Variants in RAD51B observed in about 807,000 individuals in gnomAD.
The protein encoded by RAD51B is DNA repair protein RAD51 homolog 2.
In RAD51B, 38 loss-of-function variants were observed where a neutral mutation model predicts 42.2. The ratio of observed to expected loss-of-function variants is 0.90; its 90% CI spans 0.70 to 1.18. The LOEUF is 1.18. RAD51B is among the 50% of genes most tolerant of loss of function. The pLI is 0.00. For synonymous variants in RAD51B, 154 were observed against 145.2 expected (o/e 1.06, Z -0.43); for missense variants, 373 against 400.7 (o/e 0.93, Z 0.59).
At chr14:68,551,865 T>C (rs1330762058) in intron 10 of RAD51B, among the ~76,000 whole-genome samples, 2 of 152,186 alleles carry the variant, frequency 1.3e-5, no homozygotes, top group African/African-American at 4.8e-5. Context: ...GCGTAGGTAA[T>C]AAATGACAGA....
chr14:68,388,095 T>TATATA (rs869245953), intron 8 of RAD51B, among the ~76,000 whole-genome samples: 69 of 107,398 alleles, frequency 6.4e-4, no homozygotes, highest in East Asian at 1.4e-3. Flanking sequence ...TATATATATA[T>TATATA]TTTTTTTTTT....
At chr14:68,428,230 T>C (rs901351960) in intron 9 of RAD51B, among the ~76,000 whole-genome samples, 1 of 152,230 alleles carries the variant, frequency 6.6e-6, no homozygotes, top group Non-Finnish European at 1.5e-5. Context: ...TATTACAACT[T>C]AAAATATTTA....
intron 4 of RAD51B, among the ~76,000 whole-genome samples, chr14:67,844,745 A>G (rs1315663279): frequency 1.3e-5 from 2 of 151,876 alleles, no homozygotes; most frequent in African/African-American, 4.8e-5. Context: ...CATTAGGTAT[A>G]TCTACTAATG....
chr14:68,647,943 C>G (rs577650596), intron 10 of RAD51B, among the ~76,000 whole-genome samples: 1 of 150,304 alleles, frequency 6.7e-6, no homozygotes, highest in African/African-American at 2.4e-5. Context: ...CTCCCAAGTG[C>G]TGGGATTACA....
chr14:68,462,846 A>G (rs1257650496), intron 9 of RAD51B, among the ~76,000 whole-genome samples: 3 of 152,348 alleles, frequency 2.0e-5, no homozygotes, highest in African/African-American at 4.8e-5. Context: ...AACTGCCCAC[A>G]TACCACATAC....
chr14:68,261,616 A>G (rs915558011), intron 7 of RAD51B, among the ~76,000 whole-genome samples: 1 of 152,190 alleles, frequency 6.6e-6, no homozygotes, highest in Non-Finnish European at 1.5e-5. Context: ...ACAAAACCAT[A>G]TATTTTGTAT....
chr14:68,142,049 G>A (rs1156969945), intron 7 of RAD51B, among the ~76,000 whole-genome samples: 4 of 152,084 alleles, frequency 2.6e-5, no homozygotes, highest in Non-Finnish European at 4.4e-5. Context: ...ATTAAATGAT[G>A]CTTGGTAAAG....
intron 7 of RAD51B, among the ~76,000 whole-genome samples, chr14:67,973,747 A>G (rs1595188852): frequency 2.6e-5 from 4 of 152,264 alleles, no homozygotes; most frequent in Admixed American, 2.6e-4. Flanking sequence ...GTAGTAGCCT[A>G]TTTATATTTT....
chr14:68,643,112 T>A (rs1256584845), intron 10 of RAD51B, among the ~76,000 whole-genome samples: 2 of 96,598 alleles, frequency 2.1e-5, no homozygotes, highest in Non-Finnish European at 4.9e-5. Context: ...GTATTGAAGT[T>A]TTTAACTGTA....
chr14:68,140,220 C>T (rs1030431312), intron 7 of RAD51B, among the ~76,000 whole-genome samples: 46 of 152,104 alleles, frequency 3.0e-4, no homozygotes, highest in African/African-American at 1.1e-3. Context: ...TACACAAGAC[C>T]AAACACTGAA....
intron 7 of RAD51B, among the ~76,000 whole-genome samples, chr14:68,094,386 G>A (rs534834515): frequency 6.6e-6 from 1 of 152,210 alleles, no homozygotes; most frequent in African/African-American, 2.4e-5. Context: ...GTGATAGTTT[G>A]GTATGCACTA....
chr14:67,913,129 T>A (rs1359072022), intron 7 of RAD51B, among the ~76,000 whole-genome samples: 5 of 152,220 alleles, frequency 3.3e-5, no homozygotes, highest in Non-Finnish European at 5.9e-5. Context: ...CATCAATCTG[T>A]AATGCCTTTT....
chr14:68,101,699 G>C lies in RAD51B; in HGVS notation c.757-190185G>C, dbSNP rs1383184397. 2.6e-5 allele frequency among the ~76,000 whole-genome samples: 4 copies of C among 152,330 alleles called. No homozygotes were observed. The East Asian group carries it at 7.7e-4, about 29-fold the overall frequency. On this transcript the variant is annotated intron_variant, in intron 7 of 10. Transcript: ENST00000471583. Reference sequence around the variant, plus strand: ...CCCTCCCAGGTGTTTTCACAGGCTGGTGTTGAGTGTCTGTGGCTTTTCCAG... The same window carrying C: ...CCCTCCCAGGTGTTTTCACAGGCTGCTGTTGAGTGTCTGTGGCTTTTCCAG...
At chr14:68,668,626 A>G (rs1893083917) in intron 11 of RAD51B, among the ~76,000 whole-genome samples, 1 of 152,244 alleles carries the variant, frequency 6.6e-6, no homozygotes, top group South Asian at 2.1e-4. Flanking sequence ...TCACTACAGC[A>G]GTAGCCATTC....
At chr14:67,982,270 A>G (rs541405433) in intron 7 of RAD51B, among the ~76,000 whole-genome samples, 29 of 152,320 alleles carry the variant, frequency 1.9e-4, no homozygotes, top group African/African-American at 6.7e-4. Context: ...AGCTTTTTAT[A>G]GCTTAGCAAA....
intron 11 of RAD51B, among the ~76,000 whole-genome samples, chr14:68,673,958 C>A (rs924005016): frequency 6.6e-6 from 1 of 151,022 alleles, no homozygotes; most frequent in African/African-American, 2.4e-5. Context: ...ACACACACAT[C>A]TATACATGCA....
Position 68,247,836 on chromosome 14 carries a change from A to G in RAD51B, c.757-44048A>G, listed in dbSNP as rs1177855480. Among the ~76,000 whole-genome samples the G allele has an allele frequency of 2.6e-5, 4 of 152,262 alleles. No individual in the cohort carries two copies. The South Asian group carries it at 8.3e-4, about 31-fold the overall frequency. ...CAGGACAAGTTAAATACAGAAAGCC[A>G]TATACATATAAATGGCAGACATAAC... On this transcript the variant is annotated intron_variant, in intron 7 of 10. Coordinates refer to ENST00000471583, the MANE Select transcript of RAD51B (RefSeq NM_133510.4).
chr14:68,234,668 G>T (rs1354350079), intron 7 of RAD51B, among the ~76,000 whole-genome samples: 1 of 152,098 alleles, frequency 6.6e-6, no homozygotes, highest in African/African-American at 2.4e-5. Flanking sequence ...GATCAAAAAT[G>T]GTATATCTAT....
chr14:67,989,426 C>T (rs1016589467), intron 7 of RAD51B, among the ~76,000 whole-genome samples: 12 of 151,852 alleles, frequency 7.9e-5, no homozygotes, highest in African/African-American at 1.7e-4. Context: ...CACCTGAGGT[C>T]GGGAGTTCAA....
Sources: allele counts gnomAD v4.1 joint callset (sites outside exome capture counted in the v4.1 genomes callset), GRCh38; gene constraint gnomAD v4.1.1; transcripts MANE v1.5; gene names NCBI Gene and HGNC (gene_info 2026-07-23, HGNC 2026-07-21).